Variants in NMBR observed in about 807,000 individuals in gnomAD.
NMBR encodes neuromedin B receptor, also known as neuromedin-B receptor.
In NMBR, 16 loss-of-function variants were observed where a neutral mutation model predicts 20.5. The observed-to-expected ratio is 0.78, with a 90% CI of 0.53 to 1.19. The LOEUF (loss-of-function observed/expected upper bound fraction) is 1.19. Ranked by LOEUF, NMBR falls within the 50% of genes most tolerant of loss-of-function variation. The probability of loss-of-function intolerance (pLI) is 0.00; values close to 1 mark genes in which losing one functional copy is unlikely to be tolerated. For missense variants in NMBR, 582 were observed against 499.1 expected, an observed-to-expected ratio of 1.17 and a Z score of -1.58; for synonymous variants, 212 against 196.6, an observed-to-expected ratio of 1.08 and a Z score of -0.65.
chr6:142,106,575 G>C (rs1653707686), intron 1 of NMBR, among the ~76,000 whole-genome samples: 1 of 152,084 alleles, frequency 6.6e-6, no homozygotes, highest in Non-Finnish European at 1.5e-5. Flanking sequence ...TTTTATAAAG[G>C]ATTGTCATTT....
chr6:142,145,020 T>TAAAA (rs34522158), intron 1 of NMBR, among the ~76,000 whole-genome samples: 97 of 97,418 alleles, frequency 1.0e-3, no homozygotes, highest in Middle Eastern at 5.1e-3. Context: ...AGAACCTGTC[T>TAAAA]AAAAAAAAAA....
intron 1 of NMBR, among the ~76,000 whole-genome samples, chr6:142,127,831 T>C (rs576048260): frequency 2.6e-4 from 40 of 152,218 alleles, no homozygotes; most frequent in Non-Finnish European, 2.9e-5. Context: ...TTTTGTGTGT[T>C]GATTTTGTGT....
At chr6:142,108,083 T>C (rs1777690701) in intron 1 of NMBR, among the ~76,000 whole-genome samples, 1 of 152,066 alleles carries the variant, frequency 6.6e-6, no homozygotes, top group Non-Finnish European at 1.5e-5. Context: ...CTCATAGACA[T>C]GTAGAACATA....
intron 1 of NMBR, among the ~76,000 whole-genome samples, chr6:142,099,827 C>A (rs1027409411): frequency 2.6e-5 from 4 of 151,818 alleles, no homozygotes; most frequent in Non-Finnish European, 1.5e-5. Flanking sequence ...TCTTACAGCT[C>A]AAGATATCAA....
chr6:142,133,485 G>C (rs1194831260), intron 1 of NMBR, among the ~76,000 whole-genome samples: 2 of 152,144 alleles, frequency 1.3e-5, no homozygotes, highest in Non-Finnish European at 2.9e-5. Flanking sequence ...TGTTAAGATA[G>C]TGTACGGACT....
intron 1 of NMBR, among the ~76,000 whole-genome samples, chr6:142,120,593 G>A (rs1407263752): frequency 6.6e-6 from 1 of 151,794 alleles, no homozygotes; most frequent in Non-Finnish European, 1.5e-5. Flanking sequence ...ATACAAACAG[G>A]GCTGAAAGTA....
In NMBR at chr6:142,075,915, G is replaced by A; in HGVS notation, c.906C>T (p.His302=). The change falls in exon 4 of 4, where the codon CAC becomes CAT. Residue 302 remains histidine (H), a synonymous_variant. Transcript: ENST00000258042. ...CCCGGGCAACTAAGGTGACAATCAT[G>A]TGGCCTAGAGATGGATCAATCTCAT... ...NYNEIDPSLG[H]MIVTLVARVL... The A allele has an allele frequency of 6.2e-7, 1 of 1,614,072 alleles. No individual in the cohort carries two copies. The highest frequency in any genetic ancestry group is 8.5e-7 in the Non-Finnish European group (1 of 1,179,966).
rs571856856 is a variant in NMBR, at chr6:142,138,298, T to C, written c.-664+8746A>G. On this transcript the variant is annotated intron_variant, in intron 1 of 3. Coordinates refer to ENST00000258042, the MANE Select transcript of NMBR (RefSeq NM_002511.4). ...TGCAGCCTGTGTTTGATATCATGAATTTCTGGATCTAAGGTTTTCATCATT... is the reference window on the plus strand; with the variant it reads ...TGCAGCCTGTGTTTGATATCATGAACTTCTGGATCTAAGGTTTTCATCATT... 3.9e-5 allele frequency among the ~76,000 whole-genome samples: 6 copies of C among 152,274 alleles called. No individual in the cohort carries two copies. The South Asian group carries it at 1.2e-3, about 32-fold the overall frequency.
intron 2 of NMBR, among the ~76,000 whole-genome samples, chr6:142,084,864 A>G (rs1777170225): frequency 6.6e-6 from 1 of 152,140 alleles, no homozygotes; most frequent in Non-Finnish European, 1.5e-5. Flanking sequence ...CACAGCACAC[A>G]CGTCCCAATA....
chr6:142,076,962 A>G (rs943109697), intron 3 of NMBR, among the ~76,000 whole-genome samples: 2 of 152,194 alleles, frequency 1.3e-5, no homozygotes, highest in Non-Finnish European at 2.9e-5. Context: ...GTAGGTAGCA[A>G]TAGAGTGGTA....
chr6:142,079,126 G>GAAAGAAAGAAAGAAAGAGAGA (rs11451074), intron 2 of NMBR, among the ~76,000 whole-genome samples: 1 of 103,278 alleles, frequency 9.7e-6, no homozygotes, highest in African/African-American at 4.5e-5. Context: ...AAGAAAGAAA[G>GAAAGAAAGAAAGAAAGAGAGA]AAGAAAGAAA....
chr6:142,112,998 C>A (rs1387624109), intron 1 of NMBR, among the ~76,000 whole-genome samples: 3 of 151,756 alleles, frequency 2.0e-5, no homozygotes, highest in African/African-American at 7.3e-5. Context: ...CCTTGGGAAC[C>A]ACAAAACATT....
At chr6:142,089,529 C>A (rs1051152258) in intron 1 of NMBR, among the ~76,000 whole-genome samples, 4 of 152,152 alleles carry the variant, frequency 2.6e-5, no homozygotes, top group Admixed American at 2.6e-4. Context: ...TCTGCTTAAT[C>A]TAACCATCAT....
intron 1 of NMBR, among the ~76,000 whole-genome samples, chr6:142,137,291 CTGTT>C (rs1463191394): frequency 2.0e-5 from 3 of 152,196 alleles, no homozygotes; most frequent in Non-Finnish European, 2.9e-5. Context: ...ATTTGGTTCT[CTGTT>C]TGTCTGTTAT....
At chr6:142,091,428 T>G (rs1213301226) in intron 1 of NMBR, among the ~76,000 whole-genome samples, 1 of 152,156 alleles carries the variant, frequency 6.6e-6, no homozygotes. Context: ...TCTCACTTTG[T>G]TGCCCCAGCT....
At chr6:142,087,485 A>C (rs775356279) in intron 2 of NMBR, among the ~76,000 whole-genome samples, 1 of 152,166 alleles carries the variant, frequency 6.6e-6, no homozygotes. Flanking sequence ...TAGAAATTAC[A>C]TTCCCTGGGC....
chr6:142,105,128 A>G (rs1048555575), intron 1 of NMBR, among the ~76,000 whole-genome samples: 6 of 147,086 alleles, frequency 4.1e-5, no homozygotes, highest in African/African-American at 1.6e-4. Flanking sequence ...CACAAAGTAC[A>G]TTATCGAAAG....
In NMBR at chr6:142,124,589, T is replaced by C. The variant is rs560283619; in HGVS notation, c.-664+22455A>G. Among the ~76,000 whole-genome samples the C allele has an allele frequency of 2.0e-5, 3 of 151,960 alleles. No homozygotes were observed. The East Asian group carries it at 5.8e-4, about 30-fold the overall frequency. ...TCTTCTGTATTTCCAGGCAGGGCTT[T>C]CCTATAGAGATATGTGGATGGCATA... is the stretch of plus-strand genomic sequence containing the variant. On this transcript the variant is annotated intron_variant, in intron 1 of 3. Coordinates refer to ENST00000258042, the MANE Select transcript of NMBR (RefSeq NM_002511.4).
At position 142,078,647 on chromosome 6, in the gene NMBR, T is replaced by C; in HGVS notation, c.679A>G (p.Ile227Val). Residue 227 changes from isoleucine to valine, a missense_variant, in exon 3 of 4, where the codon ATT (isoleucine) becomes GTT (valine). Physicochemically the swap from Ile to Val is conservative, Grantham distance 29 (BLOSUM62 3). Coordinates refer to ENST00000258042, the MANE Select transcript of NMBR (RefSeq NM_002511.4). ...ATATGATAATAATAAATGCTAATAATAGCAAGTGGTATGAGGAAATAGACC... is the reference window on the plus strand; with the variant it reads ...ATATGATAATAATAAATGCTAATAACAGCAAGTGGTATGAGGAAATAGACC... ...FLVYFLIPLA[I>V]ISIYYYHIAK... is the part of the protein sequence containing the mutation. 2 of 1,612,886 alleles carry C rather than the reference T, an allele frequency of 1.2e-6. No individual in the cohort carries two copies. The highest frequency in any genetic ancestry group is 1.7e-6 in the Non-Finnish European group (2 of 1,178,976).
Sources: gnomAD v4.1 joint callset for allele counts (sites outside exome capture counted in the v4.1 genomes callset) on GRCh38, gnomAD v4.1.1 for gene constraint, MANE v1.5 for transcripts, NCBI Gene and HGNC (gene_info 2026-07-23, HGNC 2026-07-21) for gene names.